ARSG: variants seen among roughly 807,000 people sequenced by gnomAD.
The protein encoded by ARSG is arylsulfatase G.
Under a neutral mutation model 50.5 loss-of-function variants are expected in ARSG, and 37 were observed. That is an observed-to-expected ratio of 0.73 (90% CI 0.56 to 0.96). The LOEUF (loss-of-function observed/expected upper bound fraction) is 0.96, where lower values mean the gene tolerates loss of function less well. Ranked by LOEUF, ARSG falls within the 50% of genes least tolerant of loss-of-function variation. The pLI, the probability that ARSG is intolerant of heterozygous loss-of-function variation, is 0.00. For synonymous variants in ARSG, 225 were observed against 254.6 expected (o/e 0.88, Z 1.11); for missense variants, 629 against 675.3 (o/e 0.93, Z 0.76).
At chr17:68,431,768 A>G in the ARSG span, among the ~76,000 whole-genome samples, 441 of 9,212 alleles carry the variant, frequency 0.048, 5 homozygotes, top group South Asian at 0.054. Context: ...ACACCCGTGG[A>G]CAGGTTGAGC....
intron 5 of ARSG, among the ~76,000 whole-genome samples, chr17:68,353,490 G>T (rs536132146): frequency 6.6e-6 from 1 of 152,044 alleles, no homozygotes; most frequent in South Asian, 2.1e-4. Context: ...CTTCACCCTG[G>T]GTGACAGAGT....
Position 68,345,202 on chromosome 17 carries a change from T to C in ARSG, c.406+1411T>C, listed in dbSNP as rs140725301. Among the ~76,000 whole-genome samples the C allele has an allele frequency of 2.9e-3, 441 of 152,340 alleles. 2 individuals carry two copies. Among genetic ancestry groups the C allele is most frequent in the African/African-American group, 0.01 (428 of 41,582 alleles). On this transcript the variant is annotated intron_variant, in intron 3 of 11. Transcript: ENST00000621439. ...AAACCTCACAGCCAGCTGAACGAAG[T>C]GGCTCACGCCTGTAATCCCAGCACT... is the stretch of plus-strand genomic sequence containing the variant.
At position 68,420,447 on chromosome 17, in the gene ARSG, G is replaced by A. The variant is rs150683466; in HGVS notation, c.1562G>A (p.Arg521His). Reference protein sequence around the residue: ...PCCNPYQIACRCQAA With the variant: ...PCCNPYQIACHCQAA ...TGTAATCCCTACCAAATTGCCTGCC[G>A]CTGTCAAGCCGCATAACAGACCAAT... The change falls in exon 12 of 12, where the codon CGC becomes CAC. Residue 521 changes from arginine (R) to histidine (H), a missense_variant. Arg to His is a conservative substitution (Grantham distance 29). Transcript: ENST00000621439. The A allele has an allele frequency of 4.9e-5, 79 of 1,613,958 alleles. No homozygotes were observed. Among genetic ancestry groups the A allele is most frequent in the Middle Eastern group, 1.6e-4 (1 of 6,062 alleles).
rs1599689884 is a variant in ARSG, at chr17:68,316,429, T to C, written c.218+8718T>C. On this transcript the variant is annotated intron_variant, in intron 2 of 11. Transcript: ENST00000621439. ...TACAGCAGCCTCCTTATCTGTCTTA[T>C]TTATGTCTTCAGTGGCTAAAACAAT... 1.3e-5 allele frequency among the ~76,000 whole-genome samples: 2 copies of C among 152,254 alleles called. 1 individual carries two copies. The highest frequency in any genetic ancestry group is 4.8e-5 in the African/African-American group (2 of 41,466).
chr17:68,450,638 T>C, the ARSG span: 3 of 1,480,300 alleles, frequency 2.0e-6, no homozygotes, highest in African/African-American at 4.3e-5. Context: ...GGAAGCTTGT[T>C]TTACAGACAT....
chr17:68,333,035 G>A (rs2077845507), intron 2 of ARSG, among the ~76,000 whole-genome samples: 1 of 152,254 alleles, frequency 6.6e-6, no homozygotes, highest in South Asian at 2.1e-4. Context: ...AGAGGGCTGG[G>A]CCCAGTGGCT....
chr17:68,316,637 T>C (rs963382426), intron 2 of ARSG, among the ~76,000 whole-genome samples: 11 of 152,218 alleles, frequency 7.2e-5, no homozygotes, highest in Admixed American at 2.6e-4. Flanking sequence ...GACCTTAGTA[T>C]GCTTATCTCT....
chr17:68,273,065 T>C (rs73998070), intron 1 of ARSG, among the ~76,000 whole-genome samples: 3 of 151,986 alleles, frequency 2.0e-5, no homozygotes, highest in Admixed American at 2.0e-4. Flanking sequence ...TGCATGAAAT[T>C]TTATATAAGA....
intron 4 of ARSG, among the ~76,000 whole-genome samples, chr17:68,349,532 G>C (rs1007267356): frequency 6.6e-6 from 1 of 152,072 alleles, no homozygotes; most frequent in South Asian, 2.1e-4. Context: ...TGTACCTAGG[G>C]GGTAGCTAAA....
chr17:68,376,920 T>C (rs1599953035), intron 8 of ARSG, among the ~76,000 whole-genome samples: 1 of 150,302 alleles, frequency 6.7e-6, no homozygotes, highest in Admixed American at 6.7e-5. Context: ...AGTGCAGAGG[T>C]GCGATCTCAG....
At chr17:68,288,423 A>G (rs1371426554), upstream of ARSG, among the ~76,000 whole-genome samples, 1 of 152,140 alleles carries the variant, frequency 6.6e-6, no homozygotes, top group Non-Finnish European at 1.5e-5. Flanking sequence ...TCCAGAATAT[A>G]AAAGTTTATC....
chr17:68,420,018 A>ACCAC (rs1297706704), intron 11 of ARSG, among the ~76,000 whole-genome samples, 171 bp from the exon 12 acceptor site: 1 of 152,162 alleles, frequency 6.6e-6, no homozygotes, highest in Non-Finnish European at 1.5e-5. Context: ...TCATCACTGG[A>ACCAC]AGGAGCAAAT....
At chr17:68,365,362 G>A (rs2079497369) in intron 6 of ARSG, among the ~76,000 whole-genome samples, 1 of 152,190 alleles carries the variant, frequency 6.6e-6, no homozygotes, top group African/African-American at 2.4e-5. Context: ...GATGCTTAGT[G>A]TGGGAAGTTA....
At chr17:68,407,927 C>T (rs1459311175) in intron 11 of ARSG, among the ~76,000 whole-genome samples, 1 of 151,662 alleles carries the variant, frequency 6.6e-6, no homozygotes, top group Non-Finnish European at 1.5e-5. Flanking sequence ...GGAGTGGTGA[C>T]AGTGGGCATC....
chr17:68,321,848 G>A (rs919539557), intron 2 of ARSG, among the ~76,000 whole-genome samples: 1 of 152,152 alleles, frequency 6.6e-6, no homozygotes, highest in Non-Finnish European at 1.5e-5. Context: ...GACCCCTGAT[G>A]ATGAACTGGC....
intron 2 of ARSG, 126 bp from the exon 3 acceptor site, chr17:68,343,478 G>A (rs2078366791): frequency 1.0e-6 from 1 of 999,692 alleles, no homozygotes; most frequent in Non-Finnish European, 1.4e-6. Context: ...TTCCTGACTT[G>A]TTCCATGACT....
rs186703569 is a variant in ARSG at position 68,327,132 on chromosome 17, G to A, written c.219-16472G>A. Among the ~76,000 whole-genome samples the A allele has an allele frequency of 1.7e-3, 253 of 152,186 alleles. 1 individual carries two copies. The highest frequency in any genetic ancestry group is 6.0e-3 in the African/African-American group (247 of 41,508). On this transcript the variant is annotated intron_variant, in intron 2 of 11. Transcript: ENST00000621439. ...GTAGGAGTTTGGAAGGGCAAGAAGA[G>A]GGTAATGCATTATTTAGCAGAGATA...
rs1405339258 is a variant in ARSG, at chr17:68,367,887, G to A, written c.705-661G>A. Among the ~76,000 whole-genome samples, 1 of 152,100 alleles carries A rather than the reference G, an allele frequency of 6.6e-6. No individual in the cohort carries two copies. ...GGAGTTTGAGGCCAACCTAGCCAAC[G>A]TAGCAAAACCCCATCTCTACTAAAA... On this transcript the variant is annotated intron_variant, in intron 6 of 11. Transcript: ENST00000621439. The surrounding 1 kb of genome is among the most constrained non-coding windows in gnomAD (Gnocchi z 4.5).
chr17:68,362,520 T>G (rs2079340567), intron 6 of ARSG, among the ~76,000 whole-genome samples: 1 of 152,070 alleles, frequency 6.6e-6, no homozygotes, highest in South Asian at 2.1e-4. Flanking sequence ...CAAACCCCAT[T>G]TGGTTCCCCT....
Sources: gnomAD v4.1 joint callset for allele counts (sites outside exome capture counted in the v4.1 genomes callset) on GRCh38, gnomAD v4.1.1 for gene constraint, Gnocchi (gnomAD v3.1) non-coding constraint, MANE v1.5 for transcripts, NCBI Gene and HGNC (gene_info 2026-07-23, HGNC 2026-07-21) for gene names.